RUNX2: variants seen among roughly 807,000 people sequenced by gnomAD.
RUNX2 encodes the protein RUNX family transcription factor 2, also known as runt-related transcription factor 2.
In RUNX2, 10 loss-of-function variants were observed where a neutral mutation model predicts 51.7. The observed-to-expected ratio is 0.19, with a 90% CI of 0.12 to 0.33. The LOEUF is 0.33. RUNX2 is among the 10% of genes least tolerant of loss of function. The pLI, the probability that RUNX2 is intolerant of heterozygous loss-of-function variation, is 1.00. For missense variants in RUNX2, 562 were observed against 691.3 expected (o/e 0.81, Z 2.10); for synonymous variants, 276 against 273.6 (o/e 1.01, Z -0.09).
At position 45,422,883 on chromosome 6, in the gene RUNX2, G is replaced by C. The variant is rs762474281; in HGVS notation, c.349G>C (p.Asp117His). ...CCACCCGGCCGAACTCGTCCGCACC[G>C]ACAGCCCCAACTTCCTGTGCTCGGT... is the stretch of plus-strand genomic sequence containing the variant. ...ADHPAELVRT[D>H]SPNFLCSVLP... Residue 117 changes from aspartate (D) to histidine (H), a missense_variant, in exon 3 of 9, where the codon GAC becomes CAC. This residue lies in a region of RUNX2 where 67 missense variants were observed against 106.5 expected (regional missense o/e 0.63). Transcript: ENST00000647337. 2.5e-6 allele frequency: 4 copies of C among 1,612,538 alleles called. No individual in the cohort carries two copies. The highest frequency in any genetic ancestry group is 2.5e-6 in the Non-Finnish European group (3 of 1,179,606).
At chr6:45,370,775 T>C (rs1438660247) in intron 2 of RUNX2, among the ~76,000 whole-genome samples, 1 of 152,192 alleles carries the variant, frequency 6.6e-6, no homozygotes, top group Non-Finnish European at 1.5e-5. Context: ...TACCTGAGCA[T>C]CTTTTTGAAC....
At chr6:45,363,888 C>A (rs1008473970) in intron 2 of RUNX2, among the ~76,000 whole-genome samples, 3 of 151,728 alleles carry the variant, frequency 2.0e-5, no homozygotes, top group Admixed American at 2.0e-4. Context: ...CAAGTTAATG[C>A]ATAAATTTCT....
At chr6:45,538,038 G>A (rs1200571495) in intron 7 of RUNX2, among the ~76,000 whole-genome samples, 1 of 152,120 alleles carries the variant, frequency 6.6e-6, no homozygotes, top group Non-Finnish European at 1.5e-5. Context: ...TCAGTTAAAT[G>A]TCCCCCTTTA....
rs1436475807 is a variant in RUNX2 at position 45,460,706 on chromosome 6, C to G, written c.685+22655C>G. Among the ~76,000 whole-genome samples, 6 of 151,678 alleles carry G rather than the reference C, an allele frequency of 4.0e-5. No homozygotes were observed. The South Asian group carries it at 1.3e-3, about 32-fold the overall frequency. Reference sequence around the variant, plus strand: ...GCCAGGAGTTCGAGGCTGTCATGTGCTATGATTGCACTTGTTAATAGCCAC... The same window carrying G: ...GCCAGGAGTTCGAGGCTGTCATGTGGTATGATTGCACTTGTTAATAGCCAC... On this transcript the variant is annotated intron_variant, in intron 5 of 8. Coordinates refer to ENST00000647337, the MANE Select transcript of RUNX2 (RefSeq NM_001024630.4).
chr6:45,519,829 T>TGTGTGTGTG, intron 7 of RUNX2, among the ~76,000 whole-genome samples: 1 of 142,816 alleles, frequency 7.0e-6, no homozygotes, highest in South Asian at 2.3e-4. Flanking sequence ...TGTGTGTGTG[T>TGTGTGTGTG]GTGTGTGTAT....
At chr6:45,416,040 T>C (rs1798063120) in intron 2 of RUNX2, among the ~76,000 whole-genome samples, 1 of 152,102 alleles carries the variant, frequency 6.6e-6, no homozygotes, top group Non-Finnish European at 1.5e-5. Context: ...GAAGAAGAAA[T>C]TGTTTTCTCT....
chr6:45,515,485 A>T (rs1209188153), intron 7 of RUNX2, among the ~76,000 whole-genome samples: 2 of 152,204 alleles, frequency 1.3e-5, no homozygotes, highest in Non-Finnish European at 1.5e-5. Flanking sequence ...AAAATTCTAT[A>T]TCCATATGTA....
In RUNX2 at chr6:45,404,276, A is replaced by G. The variant is rs1434119255; in HGVS notation, c.59-18317A>G. On this transcript the variant is annotated intron_variant, in intron 2 of 8. Coordinates refer to ENST00000647337, the MANE Select transcript of RUNX2 (RefSeq NM_001024630.4). The stretch of plus-strand genomic sequence containing the variant: ...CTCTGTCTCAAAAAAAAAAAAAAAG[A>G]AAAAGAAAAAAGAAAAAAAAAAGGA... 5.3e-4 allele frequency among the ~76,000 whole-genome samples: 51 copies of G among 95,392 alleles called. 1 individual carries two copies. Among genetic ancestry groups the G allele is most frequent in the South Asian group, 1.5e-3 (5 of 3,422 alleles). The allele number at this position is 95,392 out of a possible 152,430, so 62.6% of individuals were successfully genotyped here.
intron 6 of RUNX2, among the ~76,000 whole-genome samples, chr6:45,501,034 G>A (rs140413195): frequency 4.0e-4 from 61 of 152,292 alleles, no homozygotes; most frequent in African/African-American, 1.4e-3. Context: ...GGTGGGAAGG[G>A]GAAGGAGTGT....
intron 5 of RUNX2, among the ~76,000 whole-genome samples, chr6:45,484,106 G>A (rs868349630): frequency 1.3e-5 from 2 of 152,152 alleles, no homozygotes; most frequent in African/African-American, 4.8e-5. Context: ...AGACGAGGAA[G>A]CTAAGACCAA....
At chr6:45,365,353 A>T in intron 2 of RUNX2, 1 of 1,208,676 alleles carries the variant, frequency 8.3e-7, no homozygotes. Flanking sequence ...CTATAAGTAA[A>T]TGCAAAAAAA....
chr6:45,546,784 A>G (rs1802413346), intron 8 of RUNX2, 43 bp from the exon 9 acceptor site: 1 of 1,419,392 alleles, frequency 7.0e-7, no homozygotes, highest in South Asian at 1.1e-5. Context: ...ATTTTAATTG[A>G]TATTTACAGA....
intron 2 of RUNX2, among the ~76,000 whole-genome samples, chr6:45,334,684 A>G (rs986085577): frequency 6.6e-6 from 1 of 151,218 alleles, no homozygotes; most frequent in African/African-American, 2.4e-5. Flanking sequence ...ATTTTTATAC[A>G]TGGCATATAC....
At chr6:45,333,197 A>G (rs898582705) in intron 2 of RUNX2, among the ~76,000 whole-genome samples, 2 of 151,654 alleles carry the variant, frequency 1.3e-5, no homozygotes, top group African/African-American at 4.8e-5. Context: ...AAAGATTATG[A>G]AATTCACTGG....
At chr6:45,384,789 C>A (rs1439150017) in intron 2 of RUNX2, among the ~76,000 whole-genome samples, 1 of 141,496 alleles carries the variant, frequency 7.1e-6, no homozygotes, top group Non-Finnish European at 1.5e-5. Flanking sequence ...ACAATCATAG[C>A]TCACTGTAAC....
intron 2 of RUNX2, among the ~76,000 whole-genome samples, chr6:45,414,087 T>C (rs1230303857): frequency 6.6e-6 from 1 of 152,220 alleles, no homozygotes; most frequent in Non-Finnish European, 1.5e-5. Flanking sequence ...ACTCTTCTGC[T>C]TCATCTTAAT....
At chr6:45,533,202 G>C (rs1042816714) in intron 7 of RUNX2, among the ~76,000 whole-genome samples, 1 of 151,890 alleles carries the variant, frequency 6.6e-6, no homozygotes, top group Non-Finnish European at 1.5e-5. Context: ...GTGAAAGGAG[G>C]TTCTATTTTT....
At chr6:45,414,533 T>TA (rs797012535) in intron 2 of RUNX2, among the ~76,000 whole-genome samples, 18 of 152,310 alleles carry the variant, frequency 1.2e-4, no homozygotes, top group African/African-American at 4.3e-4. Flanking sequence ...TGTAGCATAT[T>TA]AAAATCTGGG....
At chr6:45,495,002 C>T (rs185092796) in intron 6 of RUNX2, among the ~76,000 whole-genome samples, 3 of 152,280 alleles carry the variant, frequency 2.0e-5, no homozygotes, top group Admixed American at 6.5e-5. Context: ...CTTTACTCAG[C>T]CAGCCCATCT....
Sources: gnomAD v4.1 joint callset for allele counts (sites outside exome capture counted in the v4.1 genomes callset) on GRCh38, gnomAD v4.1.1 for gene constraint, gnomAD v4.1.1 regional missense constraint, MANE v1.5 for transcripts, NCBI Gene and HGNC (gene_info 2026-07-23, HGNC 2026-07-21) for gene names.